The following RDX variants were observed in gnomAD, a reference collection of about 807,000 sequenced individuals.
The protein encoded by RDX is deafness, autosomal recessive 24.
RDX carries 32 observed loss-of-function variants against 83.7 expected under a neutral mutation model. That is an observed-to-expected ratio of 0.38 (90% CI 0.29 to 0.51). The LOEUF is 0.51. Among genes scored for constraint, RDX ranks in the 20% least tolerant of loss-of-function variants. RDX has a pLI of 0.87. For missense variants in RDX, 600 were observed against 689.9 expected, an observed-to-expected ratio of 0.87 and a Z score of 1.46; for synonymous variants, 229 against 222.7, an observed-to-expected ratio of 1.03 and a Z score of -0.25.
chr11:110,291,971 C>T (rs1388258539), intron 1 of RDX, among the ~76,000 whole-genome samples: 2 of 152,002 alleles, frequency 1.3e-5, no homozygotes, highest in East Asian at 3.9e-4. Context: ...CATAGGGATA[C>T]CCCGTATCTA....
At chr11:110,260,317 T>C (rs1412224994) in intron 5 of RDX, among the ~76,000 whole-genome samples, 4 of 152,120 alleles carry the variant, frequency 2.6e-5, no homozygotes, top group South Asian at 2.1e-4. Flanking sequence ...ACTACCAAGC[T>C]CCTTATTCCA....
intron 14 of RDX, among the ~76,000 whole-genome samples, chr11:110,211,488 T>C (rs563318933): frequency 5.7e-4 from 87 of 151,482 alleles, no homozygotes; most frequent in African/African-American, 2.0e-3. Context: ...GCAGACCTAA[T>C]AGACATCTAC....
chr11:110,246,803 G>C (rs1168778868), intron 10 of RDX, among the ~76,000 whole-genome samples: 1 of 150,300 alleles, frequency 6.7e-6, no homozygotes, highest in Non-Finnish European at 1.5e-5. Flanking sequence ...ATGCTCAATA[G>C]GACAATGCAA....
intron 1 of RDX, among the ~76,000 whole-genome samples, chr11:110,283,418 T>C (rs1482020144): frequency 6.6e-6 from 1 of 152,174 alleles, no homozygotes; most frequent in Non-Finnish European, 1.5e-5. Flanking sequence ...CCTCCCAAAG[T>C]GCTCACAGAT....
chr11:110,245,828 T>A (rs1388423570), intron 10 of RDX, among the ~76,000 whole-genome samples: 1 of 152,210 alleles, frequency 6.6e-6, no homozygotes, highest in East Asian at 1.9e-4. Flanking sequence ...ACAAGGTGTA[T>A]CCAAAATGAA....
rs539306620 is a variant in RDX, at chr11:110,267,979, A to G, written c.97-3105T>C. ...AAAAAAAAGAAAAAAAAAATTAAAAATAAGAAAAAAGCATTTAGAAAATGT... is the reference window on the plus strand; with the variant it reads ...AAAAAAAAGAAAAAAAAAATTAAAAGTAAGAAAAAAGCATTTAGAAAATGT... On this transcript the variant is annotated intron_variant, in intron 3 of 13. Coordinates refer to ENST00000645495, the MANE Select transcript of RDX (RefSeq NM_002906.4). 2.4e-4 allele frequency among the ~76,000 whole-genome samples: 36 copies of G among 152,200 alleles called. 1 individual carries two copies. Among genetic ancestry groups the G allele is most frequent in the Admixed American group, 2.0e-3 (31 of 15,284 alleles).
intron 15 of RDX, among the ~76,000 whole-genome samples, chr11:110,189,580 T>A (rs1591500196): frequency 6.6e-6 from 1 of 152,046 alleles, no homozygotes; most frequent in African/African-American, 2.4e-5. Context: ...ATACAGAAAA[T>A]ACTGTAAGAT....
chr11:110,220,591 T>C (rs886337862), intron 14 of RDX, among the ~76,000 whole-genome samples: 2 of 152,128 alleles, frequency 1.3e-5, no homozygotes, highest in African/African-American at 2.4e-5. Flanking sequence ...CTCCACCTCC[T>C]GGGTTCAAGC....
chr11:110,189,117 A>G lies in RDX; in HGVS notation c.*31+10464T>C, dbSNP rs144394323. 2.9e-3 allele frequency among the ~76,000 whole-genome samples: 437 copies of G among 152,094 alleles called. 6 individuals carry two copies. The highest frequency in any genetic ancestry group is 1.3e-3 in the Non-Finnish European group (91 of 68,008). On this transcript the variant is annotated intron_variant, in intron 15 of 15. Transcript: ENST00000528498. ...TACTATCTTCAAGAGACCCACTGAC[A>G]TTTAATGACACCCATAGGTTCAAAG...
chr11:110,296,379 A>C (rs1412180348), intron 1 of RDX, 88 bp downstream of exon 1: 2 of 151,736 alleles, frequency 1.3e-5, no homozygotes, highest in East Asian at 3.9e-4. Flanking sequence ...GCCGGGCAGC[A>C]CGGGCCCCGC....
chr11:110,233,660 T>A (rs1864730036), intron 12 of RDX, 181 bp from the exon 13 acceptor site: 1 of 659,964 alleles, frequency 1.5e-6, no homozygotes, highest in South Asian at 1.9e-5. Context: ...AAAAACATTA[T>A]TATGCAAACC....
At chr11:110,200,292 C>T (rs568796669) in intron 14 of RDX, 11 of 152,846 alleles carry the variant, frequency 7.2e-5, no homozygotes, top group South Asian at 2.1e-4. Flanking sequence ...TCTGCAGACA[C>T]GTTGGCATTG....
intron 1 of RDX, among the ~76,000 whole-genome samples, chr11:110,289,857 G>A (rs1020685504): frequency 4.7e-5 from 7 of 149,508 alleles, no homozygotes; most frequent in African/African-American, 1.5e-4. Flanking sequence ...TACTCGGGAC[G>A]CTGAGGCAGG....
In RDX at chr11:110,222,712, C is replaced by T. The variant is rs761630904; in HGVS notation, c.1748+9161G>A. ...TTGGGAGGCTGAGGCATGAGAATGG[C>T]GTGAACCCGGGAGGTGGAGGTTGCA... On this transcript the variant is annotated intron_variant, in intron 14 of 15. Transcript: ENST00000528498. Among the ~76,000 whole-genome samples, 101 of 152,236 alleles carry T rather than the reference C, an allele frequency of 6.6e-4. 3 individuals carry two copies. The highest frequency in any genetic ancestry group is 7.4e-5 in the Non-Finnish European group (5 of 67,996).
At chr11:110,210,864 A>G (rs966033829) in intron 14 of RDX, among the ~76,000 whole-genome samples, 3 of 152,194 alleles carry the variant, frequency 2.0e-5, no homozygotes, top group East Asian at 1.9e-4. Context: ...AGGAACAACC[A>G]GTACCAGCCA....
intron 7 of RDX, 48 bp from the exon 8 acceptor site, chr11:110,255,433 T>C (rs756698727): frequency 3.9e-6 from 4 of 1,014,824 alleles, no homozygotes; most frequent in Admixed American, 1.7e-5. Context: ...AAACAATGAA[T>C]AAAATTCCTG....
chr11:110,254,029 C>T lies in RDX; in HGVS notation c.876G>A (p.Met292Ile). ...ALCMGNHELY[M>I]RRRKPDTIEV... ...CAATAGTATCAGGCTTCCTTCTTCG[C>T]ATGTATAGTTCATGGTTTCCCATAC... is the stretch of plus-strand genomic sequence containing the variant. Residue 292 changes from methionine to isoleucine, a missense_variant, in exon 9 of 14, where the codon ATG becomes ATA. By Grantham distance (10) the Met-to-Ile change is conservative. Coordinates refer to ENST00000645495, the MANE Select transcript of RDX (RefSeq NM_002906.4). The T allele has an allele frequency of 1.9e-6, 3 of 1,613,718 alleles. No individual in the cohort carries two copies. The highest frequency in any genetic ancestry group is 2.5e-6 in the Non-Finnish European group (3 of 1,179,788).
intron 1 of RDX, among the ~76,000 whole-genome samples, chr11:110,293,427 T>C (rs1039143733): frequency 6.6e-6 from 1 of 152,198 alleles, no homozygotes; most frequent in Non-Finnish European, 1.5e-5. Context: ...TATAAAGATA[T>C]ACACCAGGAA....
In RDX at chr11:110,231,436, C is replaced by A. The variant is rs1565304245; in HGVS notation, c.*433G>T. The A allele has an allele frequency of 2.1e-5, 5 of 235,594 alleles. No homozygotes were observed. The highest frequency in any genetic ancestry group is 3.4e-5 in the Non-Finnish European group (4 of 118,982). 14.6% of individuals were successfully genotyped at this position (235,594 alleles called of 1,614,324 possible). On this transcript the variant is annotated 3_prime_UTR_variant, in exon 14 of 14. Coordinates refer to ENST00000645495, the MANE Select transcript of RDX (RefSeq NM_002906.4). The stretch of plus-strand genomic sequence containing the variant: ...ATGGACATGGCAGATAAGAGAAGGG[C>A]ACACTGAGAAAATGTGAGTGAGAGA...
Sources: gnomAD v4.1 joint callset for allele counts (sites outside exome capture counted in the v4.1 genomes callset) on GRCh38, gnomAD v4.1.1 for gene constraint, MANE v1.5 for transcripts, NCBI Gene and HGNC (gene_info 2026-07-23, HGNC 2026-07-21) for gene names.